Variants in OSBPL2 observed in about 807,000 individuals in gnomAD.
The protein encoded by OSBPL2 is oxysterol-binding protein-related protein 2.
In OSBPL2, 18 loss-of-function variants were observed where a neutral mutation model predicts 58.4. The observed-to-expected ratio is 0.31, with a 90% CI of 0.21 to 0.46. The LOEUF is 0.46. Ranked by LOEUF, OSBPL2 falls within the 20% of genes least tolerant of loss-of-function variation. OSBPL2 has a pLI of 1.00. For missense variants in OSBPL2, 461 were observed against 616.5 expected (o/e 0.75, Z 2.67); for synonymous variants, 221 against 234.1 (o/e 0.94, Z 0.51).
At chr20:62,268,298 A>G (rs1981828039) in intron 4 of OSBPL2, among the ~76,000 whole-genome samples, 2 of 152,014 alleles carry the variant, frequency 1.3e-5, no homozygotes, top group African/African-American at 4.8e-5. Flanking sequence ...ATATTGAGAG[A>G]TGACTTTTTA....
intron 1 of OSBPL2, among the ~76,000 whole-genome samples, chr20:62,244,807 C>T (rs1013879006): frequency 2.6e-5 from 4 of 152,228 alleles, no homozygotes; most frequent in African/African-American, 9.6e-5. Flanking sequence ...TGCCACTCCC[C>T]ACAGCTGCTT....
rs1258494796 is a variant in OSBPL2 at position 62,281,136 on chromosome 20, G to A, written c.753G>A (p.Gln251=). 5 of 1,613,504 alleles carry A rather than the reference G, an allele frequency of 3.1e-6. No individual in the cohort carries two copies. Among genetic ancestry groups the A allele is most frequent in the Admixed American group, 3.3e-5 (2 of 60,004 alleles). ...TCATCGGGAAGCTGTGGATAGAGCA[G>A]TATGGGACAGTGGAGATTTTAAACC... The part of the protein sequence containing the change: ...NVIIGKLWIE[Q]YGTVEILNHR... Residue 251 remains glutamine (Q), a synonymous_variant, in exon 8 of 14, where the codon CAG becomes CAA. Transcript: ENST00000313733.
intron 13 of OSBPL2, among the ~76,000 whole-genome samples, chr20:62,293,581 G>A (rs1006307901): frequency 1.2e-4 from 18 of 152,230 alleles, no homozygotes; most frequent in African/African-American, 4.1e-4. Flanking sequence ...ATTGACACGG[G>A]TGGCTGGATA....
At chr20:62,287,931 C>T (rs1007771672) in intron 11 of OSBPL2, among the ~76,000 whole-genome samples, 5 of 152,134 alleles carry the variant, frequency 3.3e-5, no homozygotes, top group South Asian at 4.1e-4. Context: ...AGACGAGGTC[C>T]CAGGAGGGAG....
rs759228205 is a variant in OSBPL2 at position 62,272,270 on chromosome 20, G to A, written c.393+11G>A. 9.3e-6 allele frequency: 15 copies of A among 1,612,072 alleles called. No individual in the cohort carries two copies. The highest frequency in any genetic ancestry group is 2.5e-6 in the Non-Finnish European group (3 of 1,179,542). ...CTGGAGAGGATGCAGGTGGGCCTTAGGGGTGCCAGGCAGGAGTTTGTCATG... is the reference window on the plus strand; with the variant it reads ...CTGGAGAGGATGCAGGTGGGCCTTAAGGGTGCCAGGCAGGAGTTTGTCATG... On this transcript the variant is annotated intron_variant, in intron 5 of 13. Coordinates refer to ENST00000313733, the MANE Select transcript of OSBPL2 (RefSeq NM_144498.4).
chr20:62,256,201 A>G lies in OSBPL2; in HGVS notation c.17A>G (p.Glu6Gly). Reference protein sequence around the residue: MNGEEEFFDAVTGFDS... With the variant: MNGEEGFFDAVTGFDS... Reference sequence around the variant, plus strand: ...TGCTGAAGGATGAACGGAGAGGAAGAATTCTTTGATGCCGTCACAGGTGAG... The same window carrying G: ...TGCTGAAGGATGAACGGAGAGGAAGGATTCTTTGATGCCGTCACAGGTGAG... The change falls in exon 2 of 14, where the codon GAA (glutamate) becomes GGA (glycine). Residue 6 changes from glutamate (E) to glycine (G), a missense_variant. Physicochemically the swap from Glu to Gly is moderately conservative, Grantham distance 98. Transcript: ENST00000313733. 6.2e-7 allele frequency: 1 copy of G among 1,613,964 alleles called. No individual in the cohort carries two copies. Among genetic ancestry groups the G allele is most frequent in the East Asian group, 2.2e-5 (1 of 44,864 alleles).
chr20:62,249,589 G>A (rs897983433), intron 1 of OSBPL2, among the ~76,000 whole-genome samples: 1 of 152,064 alleles, frequency 6.6e-6, no homozygotes, highest in Non-Finnish European at 1.5e-5. Flanking sequence ...TTATTTATTT[G>A]TTAATAAAAT....
chr20:62,265,718 T>G (rs1981618409), intron 4 of OSBPL2, among the ~76,000 whole-genome samples: 1 of 152,254 alleles, frequency 6.6e-6, no homozygotes, highest in Non-Finnish European at 1.5e-5. Flanking sequence ...TTCTGCAATG[T>G]TTTTTGTACA....
intron 3 of OSBPL2, among the ~76,000 whole-genome samples, chr20:62,260,486 G>T (rs375012545): frequency 1.3e-5 from 2 of 152,296 alleles, no homozygotes; most frequent in South Asian, 4.1e-4. Flanking sequence ...ACCCCTTGCT[G>T]ATTTCCTACA....
intron 8 of OSBPL2, chr20:62,281,385 T>TA (rs1982772913): frequency 1.8e-6 from 1 of 557,678 alleles, no homozygotes; most frequent in African/African-American, 1.9e-5. Context: ...TCACGGTTGT[T>TA]ACTTTAAGGC....
intron 12 of OSBPL2, 194 bp from the exon 13 acceptor site, chr20:62,291,509 A>C: frequency 9.6e-6 from 6 of 621,956 alleles, no homozygotes; most frequent in East Asian, 2.9e-5. Flanking sequence ...TCCGCTTGGG[A>C]AGGGCCCTGT....
intron 3 of OSBPL2, among the ~76,000 whole-genome samples, chr20:62,260,720 G>T (rs528174341): frequency 6.6e-6 from 1 of 152,284 alleles, no homozygotes; most frequent in Admixed American, 6.5e-5. Flanking sequence ...GGTCGCGGTG[G>T]CTCATGCCTG....
At position 62,269,447 on chromosome 20, in the gene OSBPL2, G is replaced by A. The variant is rs555972051; in HGVS notation, c.259-2678G>A. Among the ~76,000 whole-genome samples the A allele has an allele frequency of 6.6e-6, 1 of 152,314 alleles. No homozygotes were observed. The highest frequency in any genetic ancestry group is 6.5e-5 in the Admixed American group (1 of 15,304). On this transcript the variant is annotated intron_variant, in intron 4 of 13. Transcript: ENST00000313733. The surrounding 1 kb of genome is among the most constrained non-coding windows in gnomAD (Gnocchi z 4.2). ...TAGAAGCAGCCCAGTCCCCTCGTGG[G>A]GCTGCATCACTGTGCATTTCCACAG...
At chr20:62,257,579 G>C (rs1981009235) in intron 2 of OSBPL2, among the ~76,000 whole-genome samples, 1 of 152,074 alleles carries the variant, frequency 6.6e-6, no homozygotes, top group African/African-American at 2.4e-5. Flanking sequence ...CACACCCTTG[G>C]GCTGACCTCT....
intron 3 of OSBPL2, among the ~76,000 whole-genome samples, chr20:62,262,327 A>G (rs1981372950): frequency 6.6e-6 from 1 of 152,150 alleles, no homozygotes; most frequent in South Asian, 2.1e-4. Context: ...GGCCTCTTTC[A>G]GGTCCTCGGG....
At chr20:62,247,509 C>G (rs973794330) in intron 1 of OSBPL2, among the ~76,000 whole-genome samples, 5 of 152,180 alleles carry the variant, frequency 3.3e-5, no homozygotes, top group Admixed American at 6.5e-5. Context: ...AGTGTGATCC[C>G]TACGGGAATG....
Position 62,293,769 on chromosome 20 carries a change from C to T in OSBPL2, c.1341-16C>T, listed in dbSNP as rs769545081. On this transcript the variant is annotated splice_polypyrimidine_tract_variant and intron_variant, in intron 13 of 13. Coordinates refer to ENST00000313733, the MANE Select transcript of OSBPL2 (RefSeq NM_144498.4). Reference sequence around the variant, plus strand: ...GGGCTGAGCATCTTCTGACCCCCCTCCCTTGTATCCGGCAGGTGGTTCTAC... The same window carrying T: ...GGGCTGAGCATCTTCTGACCCCCCTTCCTTGTATCCGGCAGGTGGTTCTAC... 5.0e-6 allele frequency: 8 copies of T among 1,612,032 alleles called. No individual in the cohort carries two copies. Among genetic ancestry groups the T allele is most frequent in the Non-Finnish European group, 5.9e-6 (7 of 1,179,148 alleles).
intron 6 of OSBPL2, chr20:62,278,888 G>T: frequency 2.4e-6 from 1 of 420,044 alleles, no homozygotes; most frequent in Non-Finnish European, 4.3e-6. Context: ...TGTTGCCAAC[G>T]TTAGGCCAAG....
In OSBPL2 at chr20:62,289,248, G is replaced by A. The variant is rs755810814; in HGVS notation, c.1167G>A (p.Leu389=). Residue 389 remains leucine, a synonymous_variant, in exon 12 of 14, where the codon CTG becomes CTA. Coordinates refer to ENST00000313733, the MANE Select transcript of OSBPL2 (RefSeq NM_144498.4). ...FTSFTVSLNE[L]ETGMEKTLPP... ...GTTTCACTGTGAGCCTCAACGAGCT[G>A]GAGACAGGCATGGAGAAGACCCTGC... 1.9e-6 allele frequency: 3 copies of A among 1,613,790 alleles called. No individual in the cohort carries two copies. Among genetic ancestry groups the A allele is most frequent in the East Asian group, 4.5e-5 (2 of 44,904 alleles).
Sources: gnomAD v4.1 joint callset for allele counts (sites outside exome capture counted in the v4.1 genomes callset) on GRCh38, gnomAD v4.1.1 for gene constraint, Gnocchi (gnomAD v3.1) non-coding constraint, MANE v1.5 for transcripts, NCBI Gene and HGNC (gene_info 2026-07-23, HGNC 2026-07-21) for gene names.